Variants in ZC3H13 observed in about 807,000 individuals in gnomAD.
ZC3H13 encodes zinc finger CCCH-type containing 13.
Under a neutral mutation model 204.1 loss-of-function variants are expected in ZC3H13, and 64 were observed. The ratio of observed to expected loss-of-function variants is 0.31; its 90% confidence interval spans 0.26 to 0.39. The LOEUF (loss-of-function observed/expected upper bound fraction) is 0.39. Ranked by LOEUF, ZC3H13 falls within the 10% of genes least tolerant of loss-of-function variation. ZC3H13 has a pLI of 1.00. For synonymous variants in ZC3H13, 667 were observed against 693.7 expected (o/e 0.96, Z 0.60); for missense variants, 1,833 against 2,082.7 (o/e 0.88, Z 2.33).
intron 10 of ZC3H13, among the ~76,000 whole-genome samples, chr13:45,984,962 GA>G (rs1389934013): frequency 3.3e-5 from 5 of 152,040 alleles, no homozygotes; most frequent in Admixed American, 2.0e-4. Context: ...TTAATTTAAT[GA>G]ACATTTTATC....
chr13:46,022,039 G>C (rs888211383), intron 4 of ZC3H13, among the ~76,000 whole-genome samples: 3 of 151,886 alleles, frequency 2.0e-5, no homozygotes, highest in Non-Finnish European at 4.4e-5. Context: ...GAGCAGTAGT[G>C]CTGGTGCTGC....
chr13:45,975,967 ATTTAAT>A, intron 11 of ZC3H13, 129 bp from the exon 12 acceptor site: 1 of 1,390,728 alleles, frequency 7.2e-7, no homozygotes, highest in Non-Finnish European at 9.4e-7. Context: ...CAAGTAGCAT[ATTTAAT>A]TTTAACTTAA....
At chr13:46,038,099 T>G (rs1357049223) in intron 4 of ZC3H13, among the ~76,000 whole-genome samples, 1 of 152,178 alleles carries the variant, frequency 6.6e-6, no homozygotes, top group African/African-American at 2.4e-5. Flanking sequence ...CATGTCTCTT[T>G]TCTCTATTGC....
rs1212453120 is a variant in ZC3H13 at position 45,956,127 on chromosome 13, A to G, written c.*1000T>C. On this transcript the variant is annotated 3_prime_UTR_variant, in exon 19 of 19. Transcript: ENST00000679008. ...TTTTAAAAGTAAATCTGTTTTACAT[A>G]GTACAGCTGGAGGCAGTTTAATATA... 2 of 152,202 alleles carry G rather than the reference A, an allele frequency of 1.3e-5. No homozygotes were observed. Among genetic ancestry groups the G allele is most frequent in the Non-Finnish European group, 2.9e-5 (2 of 68,012 alleles). 9.4% of individuals were successfully genotyped at this position (152,202 alleles called of 1,614,324 possible).
intron 17 of ZC3H13, chr13:45,963,197 G>A: frequency 1.0e-6 from 1 of 978,592 alleles, no homozygotes; most frequent in Non-Finnish European, 1.2e-6. Flanking sequence ...AGTAAGTGGT[G>A]TGCCTACTGA....
chr13:46,024,979 C>G (rs996942903), intron 4 of ZC3H13, among the ~76,000 whole-genome samples: 1 of 152,114 alleles, frequency 6.6e-6, no homozygotes, highest in African/African-American at 2.4e-5. Context: ...ATAATCACAC[C>G]TCTTATATTG....
rs1319216470 is a variant in ZC3H13 at position 45,969,708 on chromosome 13, G to C, written c.2836C>G (p.Arg946Gly). ...DIIGHHQSED[R>G]ETSDRAHDEN... The stretch of plus-strand genomic sequence containing the variant: ...TCATGAGCTCGATCAGATGTCTCTC[G>C]ATCTTCAGACTGGTGGTGTCCTATA... The change falls in exon 14 of 19, where the codon CGA becomes GGA. Residue 946 changes from arginine to glycine, a missense_variant. Transcript: ENST00000679008. The C allele has an allele frequency of 1.9e-6, 3 of 1,613,280 alleles. No individual in the cohort carries two copies. The highest frequency in any genetic ancestry group is 2.2e-5 in the East Asian group (1 of 44,886).
Position 45,968,836 on chromosome 13 carries a change from T to C in ZC3H13, c.3708A>G (p.Glu1236=). 6.2e-7 allele frequency: 1 copy of C among 1,614,110 alleles called. No individual in the cohort carries two copies. Among genetic ancestry groups the C allele is most frequent in the Non-Finnish European group, 8.5e-7 (1 of 1,180,014 alleles). The part of the protein sequence containing the change: ...RVLHSGSRDR[E]KTKSLEITGE... ...CTGTGATTTCCAGGCTTTTTGTTTT[T>C]TCTCTATCTCTTGAGCCACTGTGCA... Residue 1236 remains glutamate, a synonymous_variant, in exon 14 of 19, where the codon GAA becomes GAG. Coordinates refer to ENST00000679008, the MANE Select transcript of ZC3H13 (RefSeq NM_001330564.2).
chr13:46,027,274 T>C (rs1335068712), intron 4 of ZC3H13, among the ~76,000 whole-genome samples: 2 of 152,050 alleles, frequency 1.3e-5, no homozygotes, highest in Non-Finnish European at 2.9e-5. Flanking sequence ...CCGGCTAATT[T>C]CTGTACGTTT....
intron 12 of ZC3H13, among the ~76,000 whole-genome samples, chr13:45,973,867 T>G (rs1477154487): frequency 6.6e-6 from 1 of 152,108 alleles, no homozygotes; most frequent in Non-Finnish European, 1.5e-5. Flanking sequence ...TTTCAAAATG[T>G]AAGGAGAGGG....
At chr13:45,989,683 C>A (rs778092089) in intron 8 of ZC3H13, among the ~76,000 whole-genome samples, 39 of 152,308 alleles carry the variant, frequency 2.6e-4, no homozygotes, top group Admixed American at 4.6e-4. Flanking sequence ...GCAGCACAAA[C>A]TGAGAGTTAG....
intron 5 of ZC3H13, among the ~76,000 whole-genome samples, chr13:46,013,026 A>G (rs2041669679): frequency 6.6e-6 from 1 of 152,222 alleles, no homozygotes; most frequent in South Asian, 2.1e-4. Flanking sequence ...TGGAAATATC[A>G]CCAATACAGA....
chr13:45,975,924 G>A, intron 11 of ZC3H13, 86 bp from the exon 12 acceptor site: 1 of 1,357,058 alleles, frequency 7.4e-7, no homozygotes, highest in South Asian at 1.5e-5. Flanking sequence ...AATTTTATCT[G>A]TGATAGGGTC....
In ZC3H13 at chr13:45,957,275, G is replaced by A. The variant is rs1001311794; in HGVS notation, c.4862C>T (p.Thr1621Met). 2.0e-5 allele frequency: 30 copies of A among 1,535,442 alleles called. No individual in the cohort carries two copies. Among genetic ancestry groups the A allele is most frequent in the African/African-American group, 4.1e-5 (3 of 72,670 alleles). The change falls in exon 19 of 19, where the codon ACG (threonine) becomes ATG (methionine). Residue 1621 changes from threonine to methionine, a missense_variant. Thr to Met is a moderately conservative substitution (Grantham distance 81). Around this residue, in one of 5 missense-constraint regions of ZC3H13, gnomAD observed 211 missense variants for 228.4 expected, o/e 0.92. Coordinates refer to ENST00000679008, the MANE Select transcript of ZC3H13 (RefSeq NM_001330564.2). ...NEKGTIKQAYTSAPMVDNELL... is the reference protein window; with the variant it reads ...NEKGTIKQAYMSAPMVDNELL... ...TTCATTGTCTACCATTGGAGCACTC[G>A]TGTAAGCTTGTTTTATGGTGCCCTA...
At chr13:45,997,970 A>C (rs555435878) in intron 8 of ZC3H13, among the ~76,000 whole-genome samples, 1 of 152,214 alleles carries the variant, frequency 6.6e-6, no homozygotes, top group African/African-American at 2.4e-5. Context: ...TCACTGCTGC[A>C]ATACCAGCTT....
At chr13:46,019,589 A>G (rs754089969) in intron 5 of ZC3H13, among the ~76,000 whole-genome samples, 6 of 152,190 alleles carry the variant, frequency 3.9e-5, no homozygotes, top group Admixed American at 1.3e-4. Context: ...TGTGTTTGGT[A>G]ATATGACATT....
At chr13:46,048,374 G>A (rs567497819) in intron 1 of ZC3H13, among the ~76,000 whole-genome samples, 58 of 151,740 alleles carry the variant, frequency 3.8e-4, no homozygotes, top group African/African-American at 7.0e-4. Flanking sequence ...TCAGGAGATC[G>A]AGACCATGCT....
intron 4 of ZC3H13, among the ~76,000 whole-genome samples, chr13:46,026,095 CTT>C (rs927606502): frequency 6.6e-6 from 1 of 151,894 alleles, no homozygotes; most frequent in African/African-American, 2.4e-5. Context: ...TAGTCCTACA[CTT>C]AATGAAACTG....
At chr13:45,976,514 T>C (rs933893008) in intron 11 of ZC3H13, among the ~76,000 whole-genome samples, 3 of 152,244 alleles carry the variant, frequency 2.0e-5, no homozygotes, top group Non-Finnish European at 4.4e-5. Flanking sequence ...ACTAATAAAT[T>C]AGCTTTAATT....
Sources: gnomAD v4.1 joint callset for allele counts (sites outside exome capture counted in the v4.1 genomes callset) on GRCh38, gnomAD v4.1.1 for gene constraint, gnomAD v4.1.1 regional missense constraint, MANE v1.5 for transcripts, NCBI Gene and HGNC (gene_info 2026-07-23, HGNC 2026-07-21) for gene names.